Variants in POMT2 observed in about 807,000 individuals in gnomAD.
POMT2 encodes the protein protein O-mannosyltransferase 2.
Under a neutral mutation model 100.0 loss-of-function variants are expected in POMT2, and 75 were observed. That is an observed-to-expected ratio of 0.75 (90% CI 0.62 to 0.91). The LOEUF (loss-of-function observed/expected upper bound fraction) is 0.91. POMT2 is among the 40% of genes least tolerant of loss of function. The pLI is 0.00. For synonymous variants in POMT2, 378 were observed against 374.1 expected (o/e 1.01, Z -0.12); for missense variants, 940 against 955.1 (o/e 0.98, Z 0.21).
intron 2 of POMT2, 97 bp downstream of exon 2, chr14:77,311,852 T>C: frequency 6.6e-7 from 1 of 1,514,556 alleles, no homozygotes; most frequent in Non-Finnish European, 8.9e-7. Context: ...AGTCCCAAAT[T>C]CTTTCTAGAA....
chr14:77,284,048 G>T, intron 14 of POMT2, 175 bp from the exon 15 acceptor site: 1 of 673,068 alleles, frequency 1.5e-6, no homozygotes, highest in Non-Finnish European at 2.7e-6. Context: ...GCTGTATGAA[G>T]AACTCATCAG....
chr14:77,299,602 C>A, intron 6 of POMT2, 41 bp from the exon 7 acceptor site: 1 of 1,413,600 alleles, frequency 7.1e-7, no homozygotes, highest in Non-Finnish European at 1.0e-6. Flanking sequence ...GCATGTGAGA[C>A]CTCATTATTC....
intron 9 of POMT2, among the ~76,000 whole-genome samples, chr14:77,292,011 C>T (rs1229625951): frequency 6.6e-6 from 1 of 151,856 alleles, no homozygotes; most frequent in Non-Finnish European, 1.5e-5. Context: ...GCCTGGGCAA[C>T]AGAGCAAGAC....
In POMT2 at chr14:77,284,875, C is replaced by G. The variant is rs567280026; in HGVS notation, c.1576+75G>C. 4 of 1,333,392 alleles carry G rather than the reference C, an allele frequency of 3.0e-6. No homozygotes were observed. The African/African-American group carries it at 4.3e-5, about 14-fold the overall frequency. 82.6% of individuals were successfully genotyped at this position (1,333,392 alleles called of 1,614,324 possible). On this transcript the variant is annotated intron_variant, in intron 14 of 20. Coordinates refer to ENST00000261534, the MANE Select transcript of POMT2 (RefSeq NM_013382.7). ...TTGAAGGGATAGCACAGTTTACAAA[C>G]GCTTACTTTTCTAAGATAAGGGTTT...
chr14:77,280,361 T>G, intron 16 of POMT2, 31 bp downstream of exon 16: 1 of 1,613,972 alleles, frequency 6.2e-7, no homozygotes, highest in Non-Finnish European at 8.5e-7. Flanking sequence ...TGGCTCCATT[T>G]CCTGGGAGGA....
rs145942005 is a variant in POMT2, at chr14:77,279,827, A to C, written c.1887T>G (p.Val629=). 1.1e-5 allele frequency: 17 copies of C among 1,613,088 alleles called. No homozygotes were observed. The African/African-American group carries it at 2.3e-4, about 22-fold the overall frequency. Residue 629 remains valine (V), a synonymous_variant, in exon 18 of 21, where the codon GTT becomes GTG. Coordinates refer to ENST00000261534, the MANE Select transcript of POMT2 (RefSeq NM_013382.7). Reference sequence around the variant, plus strand: ...GGAGAGCCCAGAGGACCTGACCTGCAACCTCCGCTGGCAGCCGTGCCCCTC... The same window carrying C: ...GGAGAGCCCAGAGGACCTGACCTGCCACCTCCGCTGGCAGCCGTGCCCCTC... ...MQRGARLPAE[V]AGLSQVLLRG... is the part of the protein sequence containing the mutation.
intron 3 of POMT2, among the ~76,000 whole-genome samples, chr14:77,305,735 T>C (rs916773280): frequency 6.6e-6 from 1 of 151,980 alleles, no homozygotes; most frequent in African/African-American, 2.4e-5. Flanking sequence ...TCCCAAAGAG[T>C]TGGGTGTTAA....
intron 2 of POMT2, among the ~76,000 whole-genome samples, chr14:77,309,072 GAAC>G (rs1482057826): frequency 1.3e-5 from 2 of 152,158 alleles, no homozygotes; most frequent in Non-Finnish European, 2.9e-5. Flanking sequence ...ACAAGCTGCT[GAAC>G]AACTGTAGAC....
chr14:77,280,137 A>G, intron 16 of POMT2, 57 bp from the exon 17 acceptor site: 3 of 1,612,612 alleles, frequency 1.9e-6, no homozygotes, highest in Non-Finnish European at 1.7e-6. Context: ...GGCCACACCC[A>G]TTAGGGGGAG....
intron 12 of POMT2, 74 bp from the exon 13 acceptor site, chr14:77,285,706 G>T: frequency 6.6e-7 from 1 of 1,519,888 alleles, no homozygotes; most frequent in Non-Finnish European, 9.1e-7. Flanking sequence ...AAAGGGAAAT[G>T]GCCACCCAGA....
rs897120836 is a variant in POMT2, at chr14:77,279,062, A to C, written c.1892-193T>G. 1.4e-5 allele frequency: 11 copies of C among 760,932 alleles called. No individual in the cohort carries two copies. The South Asian group carries it at 1.7e-4, about 12-fold the overall frequency. The allele number at this position is 760,932 out of a possible 1,614,324, so 47.1% of individuals were successfully genotyped here. A position where few individuals can be genotyped will look rare whatever the true frequency, so the allele number is the denominator to read the frequency against. On this transcript the variant is annotated intron_variant, in intron 18 of 20. Transcript: ENST00000261534. ...GAGAGCTCTGGTCAGGGCCCAGCCT[A>C]GTGAGGCCTGGGCACCAATGGCAGG... is the stretch of plus-strand genomic sequence containing the variant.
At chr14:77,311,478 T>C (rs556914322) in intron 2 of POMT2, among the ~76,000 whole-genome samples, 19 of 152,300 alleles carry the variant, frequency 1.2e-4, no homozygotes, top group African/African-American at 4.6e-4. Flanking sequence ...CCACACCCAT[T>C]TGCAGTCACT....
chr14:77,299,433 G>A, intron 7 of POMT2, 22 bp downstream of exon 7: 1 of 1,601,732 alleles, frequency 6.2e-7, no homozygotes, highest in Non-Finnish European at 8.6e-7. Flanking sequence ...GAAGCAAGAT[G>A]CTGCAAAGGC....
At chr14:77,320,366 G>T in intron 1 of POMT2, 68 bp downstream of exon 1, 1 of 1,540,494 alleles carries the variant, frequency 6.5e-7, no homozygotes. Context: ...CCGTACCCTC[G>T]GGCCAATCAG....
intron 14 of POMT2, chr14:77,284,083 T>TA: frequency 1.7e-6 from 1 of 604,762 alleles, no homozygotes; most frequent in Non-Finnish European, 3.0e-6. Context: ...GCAAAGGAAA[T>TA]AGACAACAAG....
chr14:77,296,680 T>C (rs112810328), intron 8 of POMT2, among the ~76,000 whole-genome samples: 13 of 152,340 alleles, frequency 8.5e-5, no homozygotes, highest in African/African-American at 3.1e-4. Context: ...TCTATATCCT[T>C]TCGTGCCTTT....
Position 77,275,778 on chromosome 14 carries a change from G to C in POMT2, c.*1598C>G, listed in dbSNP as rs916448305. The C allele has an allele frequency of 2.0e-5, 3 of 152,330 alleles. No homozygotes were observed. The highest frequency in any genetic ancestry group is 2.0e-4 in the Admixed American group (3 of 15,292). 9.4% of individuals were successfully genotyped at this position (152,330 alleles called of 1,614,324 possible). On this transcript the variant is annotated 3_prime_UTR_variant, in exon 21 of 21. Coordinates refer to ENST00000261534, the MANE Select transcript of POMT2 (RefSeq NM_013382.7). ...TCAAAAGGGCTGTAGCAGTGGGAAA[G>C]GGAGGTCATCGGGCCCCAGATCTAA... is the stretch of plus-strand genomic sequence containing the variant.
intron 15 of POMT2, among the ~76,000 whole-genome samples, chr14:77,282,395 G>A (rs553782265): frequency 1.6e-4 from 25 of 152,270 alleles, no homozygotes; most frequent in South Asian, 1.2e-3. Flanking sequence ...CTCAGCCAGC[G>A]GAAGAGCCCT....
intron 20 of POMT2, among the ~76,000 whole-genome samples, chr14:77,277,696 C>T (rs1890023477): frequency 6.6e-6 from 1 of 152,196 alleles, no homozygotes; most frequent in African/African-American, 2.4e-5. Context: ...AAGGGCTCTT[C>T]CCAAGAGGCC....
Sources: allele counts gnomAD v4.1 joint callset (sites outside exome capture counted in the v4.1 genomes callset), GRCh38; gene constraint gnomAD v4.1.1; transcripts MANE v1.5; gene names NCBI Gene and HGNC (gene_info 2026-07-23, HGNC 2026-07-21).